The following YAP1 variants were observed in gnomAD, a reference collection of about 807,000 sequenced individuals.
YAP1 encodes the protein transcriptional coactivator YAP1.
A neutral mutation model predicts 56.9 loss-of-function variants in YAP1; 5 were observed. The ratio of observed to expected loss-of-function variants is 0.09; its 90% CI spans 0.05 to 0.18. The LOEUF is 0.18. Among genes scored for constraint, YAP1 ranks in the 10% least tolerant of loss-of-function variants. YAP1 has a pLI of 1.00. For synonymous variants in YAP1, 265 were observed against 248.1 expected, an observed-to-expected ratio of 1.07 and a Z score of -0.64; for missense variants, 539 against 651.8, an observed-to-expected ratio of 0.83 and a Z score of 1.88.
At chr11:102,190,723 A>G (rs1948228857) in intron 4 of YAP1, among the ~76,000 whole-genome samples, 1 of 152,174 alleles carries the variant, frequency 6.6e-6, no homozygotes, top group South Asian at 2.1e-4. Context: ...AGATCACTTT[A>G]GGTAAGGAGT....
At chr11:102,170,429 G>A (rs1239535580) in intron 3 of YAP1, among the ~76,000 whole-genome samples, 1 of 152,080 alleles carries the variant, frequency 6.6e-6, no homozygotes, top group African/African-American at 2.4e-5. Context: ...GTGTTGAGGA[G>A]TACTGTGTTT....
intron 3 of YAP1, among the ~76,000 whole-genome samples, chr11:102,180,376 A>G (rs1459874526): frequency 6.6e-6 from 1 of 152,100 alleles, no homozygotes; most frequent in Non-Finnish European, 1.5e-5. Flanking sequence ...GGAAGAAAAC[A>G]TGCATAATGA....
In YAP1 at chr11:102,116,065, G is replaced by A. The variant is rs571121220; in HGVS notation, c.572+1671G>A. Among the ~76,000 whole-genome samples, 73 of 152,222 alleles carry A rather than the reference G, an allele frequency of 4.8e-4. 1 individual carries two copies. The highest frequency in any genetic ancestry group is 1.7e-3 in the African/African-American group (71 of 41,540). ...TGCCTACGATTTCATTATTTTGAATGAATGATCTTTTTTTGAGCTGAAATC... is the reference window on the plus strand; with the variant it reads ...TGCCTACGATTTCATTATTTTGAATAAATGATCTTTTTTTGAGCTGAAATC... On this transcript the variant is annotated intron_variant, in intron 2 of 8. Coordinates refer to ENST00000282441, the MANE Select transcript of YAP1 (RefSeq NM_001130145.3).
intron 2 of YAP1, among the ~76,000 whole-genome samples, chr11:102,116,477 A>C (rs1227174191): frequency 6.6e-6 from 1 of 152,172 alleles, no homozygotes; most frequent in Non-Finnish European, 1.5e-5. Flanking sequence ...TTGTGAAGAA[A>C]TGTTTCTCTT....
intron 6 of YAP1, among the ~76,000 whole-genome samples, chr11:102,216,653 A>G (rs1047010713): frequency 2.0e-5 from 3 of 152,188 alleles, no homozygotes; most frequent in African/African-American, 7.2e-5. Context: ...CAGTTGAAAC[A>G]TTTCATGTTG....
chr11:102,232,605 C>T lies in YAP1; in HGVS notation c.*2665C>T, dbSNP rs1457156485. The T allele has an allele frequency of 6.6e-6, 1 of 152,540 alleles. No individual in the cohort carries two copies. The highest frequency in any genetic ancestry group is 1.5e-5 in the Non-Finnish European group (1 of 68,052). 9.4% of individuals were successfully genotyped at this position (152,540 alleles called of 1,614,324 possible). Reference sequence around the variant, plus strand: ...GTTTGAATCATAGCCTTGATGTGGTCTCTTGTTTTATGTCCTTGTTCCTAA... The same window carrying T: ...GTTTGAATCATAGCCTTGATGTGGTTTCTTGTTTTATGTCCTTGTTCCTAA... On this transcript the variant is annotated 3_prime_UTR_variant, in exon 9 of 9. Transcript: ENST00000282441.
intron 6 of YAP1, among the ~76,000 whole-genome samples, chr11:102,221,180 G>A (rs902921147): frequency 5.9e-5 from 9 of 152,184 alleles, no homozygotes; most frequent in African/African-American, 1.9e-4. Context: ...CCAGACTCCA[G>A]AATTTTCCCG....
At chr11:102,181,432 C>T (rs1295160712) in intron 3 of YAP1, among the ~76,000 whole-genome samples, 1 of 151,882 alleles carries the variant, frequency 6.6e-6, no homozygotes, top group African/African-American at 2.4e-5. Context: ...GGTGGCAGAG[C>T]GAGACTCCGT....
chr11:102,205,501 G>T (rs142316635), intron 4 of YAP1, among the ~76,000 whole-genome samples: 5 of 152,222 alleles, frequency 3.3e-5, no homozygotes, highest in African/African-American at 1.2e-4. Context: ...GGAGCCAAAA[G>T]ATGTTAGTTG....
In YAP1 at chr11:102,155,822, C is replaced by G. The variant is rs1420180649; in HGVS notation, c.573-6634C>G. Among the ~76,000 whole-genome samples the G allele has an allele frequency of 2.6e-5, 4 of 152,212 alleles. No homozygotes were observed. In the East Asian group the frequency reaches 7.7e-4, roughly 29 times the overall value. ...AGTGAATGTGGTTCCAGATTTGTAA[C>G]TAGATTCCCTCACTGTAGTCGTATG... On this transcript the variant is annotated intron_variant, in intron 2 of 8. Transcript: ENST00000282441.
intron 2 of YAP1, among the ~76,000 whole-genome samples, chr11:102,137,718 C>G (rs1428546442): frequency 6.8e-6 from 1 of 147,244 alleles, no homozygotes; most frequent in African/African-American, 2.5e-5. Flanking sequence ...TGATTTAGTT[C>G]TAAATATTTC....
At chr11:102,152,406 G>A (rs1350487802) in intron 2 of YAP1, among the ~76,000 whole-genome samples, 3 of 152,176 alleles carry the variant, frequency 2.0e-5, no homozygotes, top group Admixed American at 6.5e-5. Flanking sequence ...GTGGCCATGC[G>A]ACTTTCACTC....
Position 102,162,472 on chromosome 11 carries a change from A to G in YAP1, c.589A>G (p.Thr197Ala). Residue 197 changes from threonine (T) to alanine (A), a missense_variant, in exon 3 of 9, where the codon ACA becomes GCA. Coordinates refer to ENST00000282441, the MANE Select transcript of YAP1 (RefSeq NM_001130145.3). ...TTGTCTTAGTCACATCGATCAGACA[A>G]CAACATGGCAGGACCCCAGGAAGGC... ...RYFLNHIDQT[T>A]TWQDPRKAML... 6.2e-7 allele frequency: 1 copy of G among 1,614,174 alleles called. No individual in the cohort carries two copies. Among genetic ancestry groups the G allele is most frequent in the South Asian group, 1.1e-5 (1 of 91,076 alleles).
At chr11:102,212,364 C>T (rs1218046549) in intron 6 of YAP1, among the ~76,000 whole-genome samples, 1 of 151,978 alleles carries the variant, frequency 6.6e-6, no homozygotes, top group African/African-American at 2.4e-5. Flanking sequence ...GTGCTGTGCT[C>T]GTGTACACTA....
chr11:102,127,537 A>G (rs985841213), intron 2 of YAP1, among the ~76,000 whole-genome samples: 4 of 152,232 alleles, frequency 2.6e-5, no homozygotes, highest in Non-Finnish European at 5.9e-5. Context: ...AGATGCATGG[A>G]AATGCCTGGA....
At position 102,144,226 on chromosome 11, in the gene YAP1, C is replaced by T. The variant is rs116895356; in HGVS notation, c.573-18230C>T. On this transcript the variant is annotated intron_variant, in intron 2 of 8. Transcript: ENST00000282441. ...AGAAATGATTATTTATGCCTATATA[C>T]ATAGAGAAATCCCAGTAATATTTTC... 9.8e-3 allele frequency among the ~76,000 whole-genome samples: 1,496 copies of T among 152,260 alleles called. 63 individuals carry two copies. The East Asian group carries it at 0.12, about 12-fold the overall frequency.
At chr11:102,151,919 A>C (rs764473624) in intron 2 of YAP1, among the ~76,000 whole-genome samples, 1 of 152,186 alleles carries the variant, frequency 6.6e-6, no homozygotes, top group Non-Finnish European at 1.5e-5. Context: ...CTACAAGGTT[A>C]AGAGGAGCAC....
chr11:102,162,053 T>C (rs977861578), intron 2 of YAP1, among the ~76,000 whole-genome samples: 3 of 152,238 alleles, frequency 2.0e-5, no homozygotes, highest in African/African-American at 7.2e-5. Context: ...CTAAAAATTA[T>C]GTTATTTGGC....
At chr11:102,210,080 T>C (rs1054338546) in intron 6 of YAP1, among the ~76,000 whole-genome samples, 33 of 152,050 alleles carry the variant, frequency 2.2e-4, no homozygotes, top group African/African-American at 7.7e-4. Flanking sequence ...GTGTTTCAGG[T>C]TTTCTTGTTG....
Sources: allele counts gnomAD v4.1 joint callset (sites outside exome capture counted in the v4.1 genomes callset), GRCh38; gene constraint gnomAD v4.1.1; transcripts MANE v1.5; gene names NCBI Gene and HGNC (gene_info 2026-07-23, HGNC 2026-07-21).